The following PTPRJ variants were observed in gnomAD, a reference collection of about 807,000 sequenced individuals.
PTPRJ encodes receptor-type tyrosine-protein phosphatase eta.
Under a neutral mutation model 141.3 loss-of-function variants are expected in PTPRJ, and 129 were observed. That is an observed-to-expected ratio of 0.91 (90% CI 0.79 to 1.06). The LOEUF (loss-of-function observed/expected upper bound fraction) is 1.06, where lower values mean the gene tolerates loss of function less well. PTPRJ is among the 50% of genes least tolerant of loss of function. PTPRJ has a pLI of 0.00. For synonymous variants in PTPRJ, 610 were observed against 640.5 expected, an observed-to-expected ratio of 0.95 and a Z score of 0.72; for missense variants, 1,601 against 1,679.7, an observed-to-expected ratio of 0.95 and a Z score of 0.82.
chr11:48,150,337 A>G (rs1258646234), intron 18 of PTPRJ, among the ~76,000 whole-genome samples, 154 bp downstream of exon 18: 1 of 152,250 alleles, frequency 6.6e-6, no homozygotes, highest in Non-Finnish European at 1.5e-5. Context: ...CTACAGAGTC[A>G]GCAGTGCAGT....
At chr11:48,004,278 T>G (rs907504133) in intron 1 of PTPRJ, among the ~76,000 whole-genome samples, 2 of 152,228 alleles carry the variant, frequency 1.3e-5, no homozygotes, top group Non-Finnish European at 2.9e-5. Context: ...CACCAATACC[T>G]TGATCAGATT....
chr11:48,121,271 G>A lies in PTPRJ; in HGVS notation c.616+5G>A. 1 of 1,612,644 alleles carries A rather than the reference G, an allele frequency of 6.2e-7. No homozygotes were observed. ...GAGTCATAAAAGTCATCACAGGTAA[G>A]ATGACTGGCTCCCAGGGATGATGAC... On this transcript the variant is annotated splice_donor_5th_base_variant and intron_variant, in intron 4 of 24. Coordinates refer to ENST00000418331, the MANE Select transcript of PTPRJ (RefSeq NM_002843.4).
At chr11:48,008,667 C>T (rs1260770472) in intron 1 of PTPRJ, among the ~76,000 whole-genome samples, 3 of 151,686 alleles carry the variant, frequency 2.0e-5, no homozygotes, top group South Asian at 2.1e-4. Flanking sequence ...CAGGTTCAAG[C>T]GATTCTCCTG....
intron 21 of PTPRJ, among the ~76,000 whole-genome samples, chr11:48,159,225 C>T (rs2134384782): frequency 6.6e-6 from 1 of 151,612 alleles, no homozygotes; most frequent in South Asian, 2.1e-4. Context: ...TATTTCTGTT[C>T]ACATCTGCCC....
At chr11:48,104,598 C>T (rs1219853760) in intron 1 of PTPRJ, among the ~76,000 whole-genome samples, 1 of 152,204 alleles carries the variant, frequency 6.6e-6, no homozygotes, top group Non-Finnish European at 1.5e-5. Flanking sequence ...ACGTGGATAA[C>T]AGAAAACCTG....
In PTPRJ at chr11:48,156,575, GGT is replaced by G. The variant is rs1857610209; in HGVS notation, c.3438+457_3438+458del. Among the ~76,000 whole-genome samples the G allele has an allele frequency of 2.4e-5, 3 of 123,544 alleles. 1 individual carries two copies. The highest frequency in any genetic ancestry group is 2.4e-4 in the South Asian group (1 of 4,132). The allele number at this position is 123,544 out of a possible 152,430, so 81.0% of individuals were successfully genotyped here. The stretch of plus-strand genomic sequence containing the variant: ...TGAACCCCTCCTGCCTCCACCCCAG[GGT>G]TTTTTTTTTTTTTTTTTTTTTTTTT... On this transcript the variant is annotated intron_variant, in intron 21 of 24. Coordinates refer to ENST00000418331, the MANE Select transcript of PTPRJ (RefSeq NM_002843.4).
intron 18 of PTPRJ, among the ~76,000 whole-genome samples, chr11:48,151,274 A>T (rs1857473992): frequency 6.6e-6 from 1 of 151,906 alleles, no homozygotes; most frequent in Admixed American, 6.6e-5. Context: ...TGGGAGCCCC[A>T]GGCGTCCCTT....
At chr11:47,992,851 G>A (rs369681893) in intron 1 of PTPRJ, among the ~76,000 whole-genome samples, 2 of 152,132 alleles carry the variant, frequency 1.3e-5, no homozygotes, top group African/African-American at 4.8e-5. Context: ...GCGCACGTGT[G>A]TGTGGTGTGT....
chr11:48,112,877 C>A lies in PTPRJ; in HGVS notation c.246C>A (p.Asn82Lys), dbSNP rs772790958. ...NGTGTPQVET[N>K]TSEDGESSGA... ...CTGGAACACCTCAGGTGGAAACAAACACCAGTGAGGATGGTGAAAGCTCTG... is the reference window on the plus strand; with the variant it reads ...CTGGAACACCTCAGGTGGAAACAAAAACCAGTGAGGATGGTGAAAGCTCTG... The change falls in exon 3 of 25, where the codon AAC becomes AAA. Residue 82 changes from asparagine (N) to lysine (K), a missense_variant. Asn to Lys is a moderately conservative substitution (Grantham distance 94). Transcript: ENST00000418331. 6.8e-6 allele frequency: 11 copies of A among 1,614,166 alleles called. No individual in the cohort carries two copies. Among genetic ancestry groups the A allele is most frequent in the Non-Finnish European group, 9.3e-6 (11 of 1,180,026 alleles).
At chr11:48,029,164 G>T (rs1853911125) in intron 1 of PTPRJ, among the ~76,000 whole-genome samples, 1 of 152,180 alleles carries the variant, frequency 6.6e-6, no homozygotes, top group African/African-American at 2.4e-5. Context: ...AGCCTCATTC[G>T]GCGTTGATAC....
intron 1 of PTPRJ, among the ~76,000 whole-genome samples, chr11:47,989,839 T>G: frequency 6.6e-6 from 1 of 152,088 alleles, no homozygotes; most frequent in Middle Eastern, 3.2e-3. Context: ...ACAAGACTCC[T>G]TTGTTGGAGT....
At chr11:48,021,421 A>AAATAAAT (rs1176954005) in intron 1 of PTPRJ, among the ~76,000 whole-genome samples, 21 of 92,810 alleles carry the variant, frequency 2.3e-4, no homozygotes, top group African/African-American at 7.3e-4. Flanking sequence ...ATAAATAAAT[A>AAATAAAT]AAATAAAATA....
At chr11:48,143,120 C>T in intron 12 of PTPRJ, 70 bp downstream of exon 12, 2 of 1,579,146 alleles carry the variant, frequency 1.3e-6, no homozygotes, top group South Asian at 1.1e-5. Context: ...TCTGTGCCCA[C>T]TGAGGCATGT....
intron 8 of PTPRJ, chr11:48,132,193 A>C: frequency 1.0e-6 from 1 of 985,428 alleles, no homozygotes; most frequent in Middle Eastern, 5.2e-4. Flanking sequence ...CCTAAACAAC[A>C]CTGTGATGAG....
intron 2 of PTPRJ, 45 bp downstream of exon 2, chr11:48,110,121 C>T (rs1166892996): frequency 6.3e-7 from 1 of 1,584,028 alleles, no homozygotes; most frequent in Non-Finnish European, 8.7e-7. Flanking sequence ...TCGCTACTGC[C>T]CCCTAATGGA....
At chr11:48,126,499 G>A (rs1311056789) in intron 6 of PTPRJ, among the ~76,000 whole-genome samples, 1 of 152,064 alleles carries the variant, frequency 6.6e-6, no homozygotes, top group Non-Finnish European at 1.5e-5. Context: ...GGTTCTGGAG[G>A]CTGGAAGTCT....
rs1856953839 is a variant in PTPRJ at position 48,130,619 on chromosome 11, T to G, written c.1518T>G (p.Ile506Met). The G allele has an allele frequency of 1.2e-6, 2 of 1,613,930 alleles. No homozygotes were observed. The highest frequency in any genetic ancestry group is 2.7e-5 in the African/African-American group (2 of 74,892). Residue 506 changes from isoleucine (I) to methionine (M), a missense_variant, in exon 8 of 25, where the codon ATT (isoleucine) becomes ATG (methionine). Transcript: ENST00000418331. ...VEITTNQSII[I>M]GGLFPGTKYC... ...TAACCACCAACCAAAGTATTATCAT[T>G]GGTGGCTTGTTCCCTGGAACCAAGT...
At chr11:48,089,793 G>A (rs1412160143) in intron 1 of PTPRJ, among the ~76,000 whole-genome samples, 1 of 152,178 alleles carries the variant, frequency 6.6e-6, no homozygotes, top group Admixed American at 6.5e-5. Context: ...TTTATGGAGG[G>A]TGTAAGGTAG....
At chr11:48,154,934 C>G (rs1565330850) in intron 19 of PTPRJ, among the ~76,000 whole-genome samples, 2 of 151,982 alleles carry the variant, frequency 1.3e-5, no homozygotes, top group Admixed American at 1.3e-4. Context: ...TATTGGGAAG[C>G]CTTTAGGCTG....
Sources: allele counts gnomAD v4.1 joint callset (sites outside exome capture counted in the v4.1 genomes callset), GRCh38; gene constraint gnomAD v4.1.1; transcripts MANE v1.5; gene names NCBI Gene and HGNC (gene_info 2026-07-23, HGNC 2026-07-21).